Variants in SEC11A observed in about 807,000 individuals in gnomAD.
SEC11A encodes the protein signal peptidase complex catalytic subunit SEC11A.
A neutral mutation model predicts 25.6 loss-of-function variants in SEC11A; 14 were observed. The observed-to-expected ratio is 0.55, with a 90% CI of 0.36 to 0.85. SEC11A has a LOEUF of 0.85. Ranked by LOEUF, SEC11A falls within the 40% of genes least tolerant of loss-of-function variation. SEC11A has a pLI of 0.01. For missense variants in SEC11A, 153 were observed against 222.9 expected, an observed-to-expected ratio of 0.69 and a Z score of 2.00; for synonymous variants, 83 against 76.4, an observed-to-expected ratio of 1.09 and a Z score of -0.45.
intron 1 of SEC11A, among the ~76,000 whole-genome samples, chr15:84,701,805 C>T (rs1751969681): frequency 6.6e-6 from 1 of 152,158 alleles, no homozygotes; most frequent in Admixed American, 6.5e-5. Context: ...CACAGTGGCT[C>T]ACACCTGTAA....
chr15:84,691,554 G>GCC lies in SEC11A; in HGVS notation c.141_142insGG (p.Pro48GlyfsTer4), dbSNP rs1897607242. 2 of 1,606,772 alleles carry GCC rather than the reference G, an allele frequency of 1.2e-6. No individual in the cohort carries two copies. Among genetic ancestry groups the GCC allele is most frequent in the Non-Finnish European group, 1.7e-6 (2 of 1,174,524 alleles). Reference sequence around the variant, plus strand: ...TGTTACCTGAGCACCACTACAATCGGACTTTCACTTCCAGTTATTACCATT... The same window carrying GCC: ...TGTTACCTGAGCACCACTACAATCGGCCACTTTCACTTCCAGTTATTACCATT... On this transcript the variant is annotated frameshift_variant, in exon 2 of 6. Transcript: ENST00000268220. LOFTEE classifies it high-confidence loss of function.
At chr15:84,700,768 G>A (rs1897910187) in intron 1 of SEC11A, among the ~76,000 whole-genome samples, 1 of 151,090 alleles carries the variant, frequency 6.6e-6, no homozygotes, top group African/African-American at 2.4e-5. Flanking sequence ...ATAACCTGAG[G>A]TTGGGAATTT....
intron 1 of SEC11A, among the ~76,000 whole-genome samples, chr15:84,708,853 C>T (rs1898178753): frequency 6.6e-6 from 1 of 151,854 alleles, no homozygotes; most frequent in Admixed American, 6.6e-5. Flanking sequence ...ACTGCAATAA[C>T]AGTTAAGAGT....
chr15:84,689,224 G>A (rs1233548147), intron 2 of SEC11A, among the ~76,000 whole-genome samples: 2 of 151,916 alleles, frequency 1.3e-5, no homozygotes, highest in African/African-American at 2.4e-5. Flanking sequence ...CTCCAGTCTG[G>A]GCGATGGAGG....
chr15:84,710,142 T>C (rs533494238), intron 1 of SEC11A, among the ~76,000 whole-genome samples: 1 of 152,336 alleles, frequency 6.6e-6, no homozygotes, highest in African/African-American at 2.4e-5. Flanking sequence ...TTTTAGATTA[T>C]GTGAATCAGA....
intron 1 of SEC11A, among the ~76,000 whole-genome samples, chr15:84,695,238 A>G (rs968679226): frequency 6.6e-6 from 1 of 151,768 alleles, no homozygotes; most frequent in African/African-American, 2.4e-5. Context: ...CAAGGCGAGC[A>G]GATCACCTGA....
rs75560616 is a variant in SEC11A, at chr15:84,674,544, T to A, written c.432-3762A>T. On this transcript the variant is annotated intron_variant, in intron 4 of 5. Transcript: ENST00000268220. Reference sequence around the variant, plus strand: ...AATCACATAGCCTGCTTGTGAATAATCCATGGAATTTAAAAAAAAAAATTT... The same window carrying A: ...AATCACATAGCCTGCTTGTGAATAAACCATGGAATTTAAAAAAAAAAATTT... Among the ~76,000 whole-genome samples, 869 of 151,388 alleles carry A rather than the reference T, an allele frequency of 5.7e-3. 3 individuals carry two copies. Among genetic ancestry groups the A allele is most frequent in the African/African-American group, 0.02 (805 of 41,130 alleles).
At chr15:84,681,467 TA>T (rs2141880222) in intron 3 of SEC11A, among the ~76,000 whole-genome samples, 1 of 151,896 alleles carries the variant, frequency 6.6e-6, no homozygotes, top group Non-Finnish European at 1.5e-5. Context: ...CTGTCTTTAC[TA>T]AAAATACAAA....
intron 1 of SEC11A, among the ~76,000 whole-genome samples, chr15:84,713,977 A>C (rs1408879786): frequency 6.6e-6 from 1 of 151,322 alleles, no homozygotes; most frequent in Admixed American, 6.6e-5. Context: ...CAGGCTTTAA[A>C]GTAAGACCTG....
At chr15:84,711,541 G>C (rs1898266553) in intron 1 of SEC11A, among the ~76,000 whole-genome samples, 1 of 152,058 alleles carries the variant, frequency 6.6e-6, no homozygotes, top group Admixed American at 6.6e-5. Context: ...TTAAAGGCCA[G>C]GCACAGTGGC....
intron 1 of SEC11A, among the ~76,000 whole-genome samples, chr15:84,704,363 T>A (rs556392763): frequency 7.2e-5 from 11 of 152,202 alleles, no homozygotes; most frequent in Non-Finnish European, 4.4e-5. Flanking sequence ...ATGTCCCTCA[T>A]CACCTTGAAG....
chr15:84,715,153 C>T (rs979159688), intron 1 of SEC11A, among the ~76,000 whole-genome samples: 1 of 151,078 alleles, frequency 6.6e-6, no homozygotes, highest in African/African-American at 2.4e-5. Flanking sequence ...AATGCAAGTC[C>T]AAGGAAAAAA....
At chr15:84,690,042 G>T (rs1596075353) in intron 2 of SEC11A, among the ~76,000 whole-genome samples, 2 of 152,248 alleles carry the variant, frequency 1.3e-5, no homozygotes, top group East Asian at 3.9e-4. Context: ...GCCAAGGTGG[G>T]AGGATCCTTG....
At chr15:84,688,564 C>T (rs768461613) in intron 2 of SEC11A, among the ~76,000 whole-genome samples, 12 of 152,140 alleles carry the variant, frequency 7.9e-5, no homozygotes, top group Admixed American at 2.0e-4. Flanking sequence ...ACTCAAGCTC[C>T]GGTTTTCTAT....
At chr15:84,690,152 T>A (rs927323011) in intron 2 of SEC11A, among the ~76,000 whole-genome samples, 4 of 152,032 alleles carry the variant, frequency 2.6e-5, no homozygotes, top group African/African-American at 7.2e-5. Flanking sequence ...TTCCCACGTG[T>A]TTTGGGAGGG....
chr15:84,698,431 A>G (rs1254378253), intron 1 of SEC11A, among the ~76,000 whole-genome samples: 1 of 152,186 alleles, frequency 6.6e-6, no homozygotes, highest in Non-Finnish European at 1.5e-5. Context: ...CTGCTTTCTA[A>G]CTCATGAAAG....
At chr15:84,697,616 C>T (rs921738549) in intron 1 of SEC11A, among the ~76,000 whole-genome samples, 37 of 152,270 alleles carry the variant, frequency 2.4e-4, no homozygotes, top group Admixed American at 2.0e-3. Flanking sequence ...TACTCTTCTC[C>T]CTTTCTTTTT....
At chr15:84,714,657 T>G (rs1019313679) in intron 1 of SEC11A, 3 of 152,236 alleles carry the variant, frequency 2.0e-5, no homozygotes, top group Non-Finnish European at 4.4e-5. Flanking sequence ...GAGTCCATAT[T>G]CTTAACTTCT....
chr15:84,694,367 A>G (rs1218687488), intron 1 of SEC11A, among the ~76,000 whole-genome samples: 2 of 152,126 alleles, frequency 1.3e-5, no homozygotes, highest in Non-Finnish European at 2.9e-5. Flanking sequence ...AAAAAAAGGA[A>G]GAAAATAAAA....
Sources: gnomAD v4.1 joint callset for allele counts (sites outside exome capture counted in the v4.1 genomes callset) on GRCh38, gnomAD v4.1.1 for gene constraint, MANE v1.5 for transcripts, NCBI Gene and HGNC (gene_info 2026-07-23, HGNC 2026-07-21) for gene names.